Variants in FSIP2 observed in about 807,000 individuals in gnomAD.
The protein encoded by FSIP2 is fibrous sheath interacting protein 2, also known as fibrous sheath-interacting protein 2.
A neutral mutation model predicts 510.5 loss-of-function variants in FSIP2; 367 were observed. The ratio of observed to expected loss-of-function variants is 0.72; its 90% CI spans 0.66 to 0.78. FSIP2 has a LOEUF of 0.78. FSIP2 is among the 30% of genes least tolerant of loss of function. The probability of loss-of-function intolerance (pLI) is 0.00; values close to 1 mark genes in which losing one functional copy is unlikely to be tolerated. For missense variants in FSIP2, 7,594 were observed against 7,901.7 expected (o/e 0.96, Z 1.48); for synonymous variants, 2,601 against 2,732.2 (o/e 0.95, Z 1.50).
chr2:185,814,218 T>C (rs1206928133), intron 18 of FSIP2, among the ~76,000 whole-genome samples, 176 bp downstream of exon 18: 1 of 151,942 alleles, frequency 6.6e-6, no homozygotes, highest in Non-Finnish European at 1.5e-5. Context: ...AACTCAACTG[T>C]GGGAAAGCAG....
Position 185,831,787 on chromosome 2 carries a change from G to C in FSIP2, c.20518-26G>C, listed in dbSNP as rs569799552. ...GTGTTTGTGTCCAGTGAAAGACTCA[G>C]TTTGTATTTCAATTTACCTTGGCAG... On this transcript the variant is annotated intron_variant, in intron 21 of 22. Coordinates refer to ENST00000424728, the MANE Select transcript of FSIP2 (RefSeq NM_173651.4). 5.9e-6 allele frequency: 9 copies of C among 1,521,278 alleles called. No individual in the cohort carries two copies. The South Asian group carries it at 1.0e-4, about 17-fold the overall frequency. The allele number at this position is 1,521,278 out of a possible 1,614,324, so 94.2% of individuals were successfully genotyped here.
intron 5 of FSIP2, among the ~76,000 whole-genome samples, chr2:185,746,316 T>C (rs1366679524): frequency 6.6e-6 from 1 of 152,052 alleles, no homozygotes; most frequent in Admixed American, 6.6e-5. Context: ...TTGAAGTTAC[T>C]GTTTCAGTTA....
In FSIP2 at chr2:185,792,043, T is replaced by TGTC; in HGVS notation, c.4908_4910dup (p.Ser1637dup). 6.5e-7 allele frequency: 1 copy of TGTC among 1,534,058 alleles called. No individual in the cohort carries two copies. Among genetic ancestry groups the TGTC allele is most frequent in the Non-Finnish European group, 8.7e-7 (1 of 1,145,380 alleles). On this transcript the variant is annotated inframe_insertion, in exon 16 of 23. Transcript: ENST00000424728. ...AGAGACACACATGAAGCATCATTTCTGTCTGCTTTATATATGCATGCAAAG... is the reference window on the plus strand; with the variant it reads ...AGAGACACACATGAAGCATCATTTCTGTCGTCTGCTTTATATATGCATGCAAAG...
chr2:185,821,003 GT>G (rs1390233824), intron 19 of FSIP2, among the ~76,000 whole-genome samples: 5 of 87,300 alleles, frequency 5.7e-5, no homozygotes, highest in Admixed American at 1.6e-4. Context: ...CCAAGAGTTG[GT>G]TCGTTAAAAA....
chr2:185,804,263 CA>C lies in FSIP2; in HGVS notation c.14959del (p.Thr4987HisfsTer3). On this transcript the variant is annotated frameshift_variant, in exon 17 of 23. Transcript: ENST00000424728. LOFTEE classifies it high-confidence loss of function. Reference sequence around the variant, plus strand: ...AAACTGAAACTTACCAGGATTGTTACAACATTGGTAAATTCAATTGTTCTGG... The same window carrying C: ...AAACTGAAACTTACCAGGATTGTTACACATTGGTAAATTCAATTGTTCTGG... ...RVKLKLTRIV[T>X]TLVNSIVLEF... The C allele has an allele frequency of 6.5e-7, 1 of 1,529,134 alleles. No homozygotes were observed. Among genetic ancestry groups the C allele is most frequent in the Non-Finnish European group, 8.7e-7 (1 of 1,143,484 alleles). The allele number at this position is 1,529,134 out of a possible 1,614,324, so 94.7% of individuals were successfully genotyped here. A position where few individuals can be genotyped will look rare whatever the true frequency, so the allele number is the denominator to read the frequency against.
chr2:185,819,454 C>T (rs918530227), intron 19 of FSIP2, among the ~76,000 whole-genome samples: 40 of 151,784 alleles, frequency 2.6e-4, no homozygotes, highest in Admixed American at 2.4e-3. Flanking sequence ...AAGATATTCA[C>T]TTTAGATCTA....
At chr2:185,828,513 C>T (rs1039671357) in intron 21 of FSIP2, among the ~76,000 whole-genome samples, 5 of 151,822 alleles carry the variant, frequency 3.3e-5, no homozygotes, top group African/African-American at 7.2e-5. Flanking sequence ...TCCAGAAAAA[C>T]ACTAGAGGGA....
chr2:185,811,342 G>A (rs1241672972), intron 17 of FSIP2, among the ~76,000 whole-genome samples: 5 of 151,614 alleles, frequency 3.3e-5, no homozygotes, highest in Admixed American at 6.6e-5. Flanking sequence ...GATGGCACAC[G>A]CTTGTAGTCC....
In FSIP2 at chr2:185,801,414, A is replaced by C; in HGVS notation, c.12108A>C (p.Pro4036=). The C allele has an allele frequency of 6.5e-7, 1 of 1,534,040 alleles. No individual in the cohort carries two copies. Among genetic ancestry groups the C allele is most frequent in the Non-Finnish European group, 8.7e-7 (1 of 1,145,520 alleles). The part of the protein sequence containing the change: ...LRNAEERLCF[P]PVHTETVSKI... ...ATGCTGAAGAAAGGCTGTGTTTTCC[A>C]CCAGTTCATACAGAAACTGTTAGCA... The change falls in exon 17 of 23, where the codon CCA becomes CCC. Residue 4036 remains proline, a synonymous_variant. Coordinates refer to ENST00000424728, the MANE Select transcript of FSIP2 (RefSeq NM_173651.4).
chr2:185,816,162 G>C (rs1269596768), intron 19 of FSIP2, among the ~76,000 whole-genome samples: 1 of 150,494 alleles, frequency 6.6e-6, no homozygotes, highest in Non-Finnish European at 1.5e-5. Context: ...TTTTTATTTG[G>C]GGAGAAGTAC....
At chr2:185,768,866 AGT>A (rs1474007552) in intron 13 of FSIP2, among the ~76,000 whole-genome samples, 3 of 152,114 alleles carry the variant, frequency 2.0e-5, no homozygotes, top group African/African-American at 4.8e-5. Flanking sequence ...CCCACTTATA[AGT>A]GAGAACATGC....
In FSIP2 at chr2:185,799,955, C is replaced by A. The variant is rs774864367; in HGVS notation, c.10649C>A (p.Ser3550Ter). The A allele has an allele frequency of 9.8e-6, 15 of 1,531,076 alleles. No homozygotes were observed. Among genetic ancestry groups the A allele is most frequent in the Non-Finnish European group, 1.7e-6 (2 of 1,143,580 alleles). The allele number at this position is 1,531,076 out of a possible 1,614,324, so 94.8% of individuals were successfully genotyped here. ...CATTCTCAAGTGTTTGAGAGCAGGT[C>A]AATTTCCATTGGAGAACTTGCTTTA... ...SIHSQVFESR[S>*]ISIGELALCI... Residue 3550 changes from serine (S) to a stop codon, truncating the protein, a stop_gained, in exon 17 of 23, where the codon TCA becomes TAA. Transcript: ENST00000424728. LOFTEE classifies it high-confidence loss of function.
chr2:185,739,141 G>C (rs764734945), intron 1 of FSIP2, 148 bp downstream of exon 1: 67 of 1,215,238 alleles, frequency 5.5e-5, no homozygotes, highest in Non-Finnish European at 7.1e-5. Context: ...GGGCGGTGGC[G>C]GTGGCTCGGA....
chr2:185,743,306 A>G lies in FSIP2; in HGVS notation c.387+12A>G. 4.1e-6 allele frequency: 6 copies of G among 1,466,598 alleles called. No individual in the cohort carries two copies. The highest frequency in any genetic ancestry group is 5.4e-6 in the Non-Finnish European group (6 of 1,115,534). The allele number at this position is 1,466,598 out of a possible 1,614,324, so 90.8% of individuals were successfully genotyped here. On this transcript the variant is annotated intron_variant, in intron 3 of 22. Coordinates refer to ENST00000424728, the MANE Select transcript of FSIP2 (RefSeq NM_173651.4). ...CCAGCAATAATAAAGTGGGTTGAAA[A>G]TTACTTCTTTTTTTAATCAATGAAA...
intron 2 of FSIP2, 34 bp downstream of exon 2, chr2:185,739,505 C>T (rs1407145619): frequency 7.0e-7 from 1 of 1,435,270 alleles, no homozygotes; most frequent in East Asian, 2.7e-5. Flanking sequence ...CTTTCCTTTA[C>T]CCTTTACTAC....
chr2:185,796,788 G>C lies in FSIP2; in HGVS notation c.9652G>C (p.Val3218Leu). The C allele has an allele frequency of 1.3e-6, 2 of 1,535,126 alleles. No homozygotes were observed. The highest frequency in any genetic ancestry group is 3.3e-4 in the Middle Eastern group (2 of 5,978). ...TGTCAGATCCTCTGTAGAAGACACA[G>C]TTAAAAACTCAGAGCCAACGAAAAG... ...TSVRSSVEDT[V>L]KNSEPTKRPD... The change falls in exon 16 of 23, where the codon GTT becomes CTT. Residue 3218 changes from valine (V) to leucine (L), a missense_variant. Coordinates refer to ENST00000424728, the MANE Select transcript of FSIP2 (RefSeq NM_173651.4).
chr2:185,737,576 A>T (rs906415026), upstream of FSIP2, among the ~76,000 whole-genome samples: 3 of 152,178 alleles, frequency 2.0e-5, no homozygotes, highest in African/African-American at 7.2e-5. Context: ...CCAACTAAAC[A>T]TGGGAGATAA....
intron 14 of FSIP2, among the ~76,000 whole-genome samples, chr2:185,783,341 AAAAG>A (rs546388481): frequency 2.0e-5 from 3 of 152,286 alleles, no homozygotes; most frequent in African/African-American, 4.8e-5. Context: ...TCAACTCAAG[AAAAG>A]AAAGAGAGGA....
Position 185,763,280 on chromosome 2 carries a change from A to T in FSIP2, c.1338A>T (p.Ser446=). The change falls in exon 12 of 23, where the codon TCA becomes TCT. Residue 446 remains serine, a synonymous_variant. Transcript: ENST00000424728. The part of the protein sequence containing the change: ...SRVSQAFLDP[S]KEEKETNADW... ...TTTCACAGGCATTTTTGGATCCTTC[A>T]AAAGAAGAGGTATATAACAGTTCTT... The T allele has an allele frequency of 7.1e-7, 1 of 1,410,592 alleles. No homozygotes were observed. The highest frequency in any genetic ancestry group is 9.7e-7 in the Non-Finnish European group (1 of 1,032,782). 87.4% of individuals were successfully genotyped at this position (1,410,592 alleles called of 1,614,324 possible).
Sources: allele counts gnomAD v4.1 joint callset (sites outside exome capture counted in the v4.1 genomes callset), GRCh38; gene constraint gnomAD v4.1.1; transcripts MANE v1.5; gene names NCBI Gene and HGNC (gene_info 2026-07-23, HGNC 2026-07-21).